CBL: variants seen among roughly 807,000 people sequenced by gnomAD.
CBL encodes Cbl proto-oncogene.
CBL carries 45 observed loss-of-function variants against 96.9 expected under a neutral mutation model. That is an observed-to-expected ratio of 0.46 (90% CI 0.37 to 0.60). The LOEUF is 0.60. Ranked by LOEUF, CBL falls within the 20% of genes least tolerant of loss-of-function variation. CBL has a pLI of 0.00. For missense variants in CBL, 1,024 were observed against 1,143.5 expected, an observed-to-expected ratio of 0.90 and a Z score of 1.51; for synonymous variants, 420 against 426.8, an observed-to-expected ratio of 0.98 and a Z score of 0.20.
intron 9 of CBL, among the ~76,000 whole-genome samples, chr11:119,280,895 C>T (rs1345267137): frequency 6.6e-6 from 1 of 152,168 alleles, no homozygotes; most frequent in African/African-American, 2.4e-5. Context: ...TGATTTCACT[C>T]CTTACTGTGC....
chr11:119,264,989 A>G (rs1006583336), intron 2 of CBL, among the ~76,000 whole-genome samples: 1 of 151,870 alleles, frequency 6.6e-6, no homozygotes, highest in African/African-American at 2.4e-5. Context: ...CTATCATCCC[A>G]CCTCAGCAAC....
rs947710432 is a variant in CBL at position 119,298,193 on chromosome 11, A to G, written c.2252-165A>G. Among the ~76,000 whole-genome samples, 3 of 152,236 alleles carry G rather than the reference A, an allele frequency of 2.0e-5. No homozygotes were observed. The South Asian group carries it at 6.2e-4, about 31-fold the overall frequency. On this transcript the variant is annotated intron_variant, in intron 14 of 15. Coordinates refer to ENST00000264033, the MANE Select transcript of CBL (RefSeq NM_005188.4). Reference sequence around the variant, plus strand: ...AGTGTTGGTGCAGATTTTATTTTCTATTTTTATCTCTGTTTACATGGTGTT... The same window carrying G: ...AGTGTTGGTGCAGATTTTATTTTCTGTTTTTATCTCTGTTTACATGGTGTT...
intron 2 of CBL, among the ~76,000 whole-genome samples, chr11:119,266,445 A>G (rs996910345): frequency 1.3e-5 from 2 of 152,178 alleles, no homozygotes; most frequent in African/African-American, 4.8e-5. Flanking sequence ...AACAATAGCT[A>G]TAGTTGCTCA....
At chr11:119,270,436 ATTT>A (rs869150071) in intron 2 of CBL, among the ~76,000 whole-genome samples, 16 of 38,656 alleles carry the variant, frequency 4.1e-4, no homozygotes, top group African/African-American at 1.7e-3. Context: ...ATATATATAT[ATTT>A]TTTTTTTTTT....
chr11:119,208,323 A>G (rs1392772225), intron 1 of CBL, among the ~76,000 whole-genome samples: 1 of 152,142 alleles, frequency 6.6e-6, no homozygotes, highest in Non-Finnish European at 1.5e-5. Context: ...AGTACAATCA[A>G]AATTGTGTTG....
At chr11:119,265,420 C>T (rs763953851) in intron 2 of CBL, among the ~76,000 whole-genome samples, 2 of 152,142 alleles carry the variant, frequency 1.3e-5, no homozygotes, top group Non-Finnish European at 1.5e-5. Flanking sequence ...TTTTCTAGCC[C>T]TGTATAGGGT....
chr11:119,277,967 T>C (rs1201699488), intron 7 of CBL, 123 bp downstream of exon 7: 1 of 884,906 alleles, frequency 1.1e-6, no homozygotes, highest in Non-Finnish European at 1.9e-6. Flanking sequence ...TTTGTGTGTA[T>C]GTGGTTTCAC....
chr11:119,263,588 G>A (rs1949771337), intron 2 of CBL, among the ~76,000 whole-genome samples: 1 of 152,150 alleles, frequency 6.6e-6, no homozygotes, highest in African/African-American at 2.4e-5. Context: ...TTAGTAAAAA[G>A]GGCCATTGCT....
intron 6 of CBL, 53 bp downstream of exon 6, chr11:119,276,187 C>T: frequency 6.5e-7 from 1 of 1,548,082 alleles, no homozygotes; most frequent in Non-Finnish European, 8.9e-7. Flanking sequence ...AGGGGCTGTC[C>T]AACCTCATCA....
At chr11:119,225,613 A>G (rs1949452098) in intron 1 of CBL, among the ~76,000 whole-genome samples, 1 of 151,628 alleles carries the variant, frequency 6.6e-6, no homozygotes, top group Non-Finnish European at 1.5e-5. Context: ...TGTCCAGGCT[A>G]GTCTTGAACT....
At chr11:119,246,293 T>C (rs1949631383) in intron 2 of CBL, among the ~76,000 whole-genome samples, 1 of 151,620 alleles carries the variant, frequency 6.6e-6, no homozygotes, top group Admixed American at 6.6e-5. Context: ...TTTTAATACA[T>C]AGTTTAAGAG....
chr11:119,255,395 A>G (rs1949704215), intron 2 of CBL, among the ~76,000 whole-genome samples: 1 of 152,180 alleles, frequency 6.6e-6, no homozygotes, highest in Non-Finnish European at 1.5e-5. Context: ...CAACTCGACT[A>G]AGATGGAGAT....
chr11:119,269,500 C>T (rs952700113), intron 2 of CBL, among the ~76,000 whole-genome samples: 4 of 151,338 alleles, frequency 2.6e-5, no homozygotes, highest in Non-Finnish European at 2.9e-5. Flanking sequence ...CCACCGCACC[C>T]GGCCAAAAAA....
At chr11:119,296,821 C>G (rs765982641) in intron 12 of CBL, 97 bp from the exon 13 acceptor site, 48 of 721,020 alleles carry the variant, frequency 6.7e-5, no homozygotes, top group Middle Eastern at 6.2e-4. Context: ...TTGCTCTGTT[C>G]AATTTGAGTT....
At chr11:119,233,637 T>A (rs913391511) in intron 2 of CBL, among the ~76,000 whole-genome samples, 1 of 152,262 alleles carries the variant, frequency 6.6e-6, no homozygotes, top group African/African-American at 2.4e-5. Flanking sequence ...TAACTGTATG[T>A]GTGGATGTAA....
chr11:119,216,624 C>T (rs933657687), intron 1 of CBL, among the ~76,000 whole-genome samples: 4 of 152,156 alleles, frequency 2.6e-5, no homozygotes, highest in African/African-American at 9.7e-5. Context: ...CCTGCCTCGG[C>T]CTCCCAAAGT....
intron 1 of CBL, among the ~76,000 whole-genome samples, chr11:119,221,009 G>GC (rs1949404663): frequency 1.3e-5 from 2 of 152,156 alleles, no homozygotes; most frequent in Non-Finnish European, 2.9e-5. Flanking sequence ...ACTTTGGGAG[G>GC]CCGGGGTGGG....
chr11:119,300,149 T>G lies in CBL; in HGVS notation c.*368T>G. On this transcript the variant is annotated 3_prime_UTR_variant, in exon 16 of 16. Coordinates refer to ENST00000264033, the MANE Select transcript of CBL (RefSeq NM_005188.4). The stretch of plus-strand genomic sequence containing the variant: ...CCTGGGTTAAGGATGTGGCCGTGTG[T>G]GTGTGTGTCTGCCTGTGGTTGTATG... 1.9e-6 allele frequency: 1 copy of G among 526,770 alleles called. No homozygotes were observed. The highest frequency in any genetic ancestry group is 3.4e-6 in the Non-Finnish European group (1 of 297,788). The allele number at this position is 526,770 out of a possible 1,614,324, so 32.6% of individuals were successfully genotyped here.
chr11:119,210,472 C>G (rs1309136015), intron 1 of CBL, among the ~76,000 whole-genome samples: 1 of 152,068 alleles, frequency 6.6e-6, no homozygotes, highest in African/African-American at 2.4e-5. Context: ...CTCTGTCACC[C>G]AGGCTGGAAT....
Sources: allele counts gnomAD v4.1 joint callset (sites outside exome capture counted in the v4.1 genomes callset), GRCh38; gene constraint gnomAD v4.1.1; transcripts MANE v1.5; gene names NCBI Gene and HGNC (gene_info 2026-07-23, HGNC 2026-07-21).